Variants in MEIS3 observed in about 807,000 individuals in gnomAD.
The protein encoded by MEIS3 is homeobox protein Meis3.
A neutral mutation model predicts 51.4 loss-of-function variants in MEIS3; 38 were observed. That is an observed-to-expected ratio of 0.74 (90% CI 0.57 to 0.97). The LOEUF (loss-of-function observed/expected upper bound fraction) is 0.97. MEIS3 is among the 50% of genes least tolerant of loss of function. The pLI is 0.00. For synonymous variants in MEIS3, 198 were observed against 201.8 expected (o/e 0.98, Z 0.16); for missense variants, 456 against 502.6 (o/e 0.91, Z 0.89).
intron 4 of MEIS3, among the ~76,000 whole-genome samples, chr19:47,415,568 TC>T (rs770315345): frequency 0.015 from 1,998 of 134,846 alleles, 31 homozygotes; most frequent in African/African-American, 0.042. Flanking sequence ...CTTCTCTCTC[TC>T]TCTCTTTTTT....
chr19:47,407,035 C>T (rs1298057377), intron 10 of MEIS3, 44 bp downstream of exon 10: 2 of 1,591,560 alleles, frequency 1.3e-6, no homozygotes, highest in Non-Finnish European at 8.6e-7. Context: ...CTTTGACGCC[C>T]TCCTAAGAAC....
intron 8 of MEIS3, chr19:47,407,724 T>C: frequency 1.9e-6 from 1 of 515,610 alleles, no homozygotes. Flanking sequence ...GGGAGGGGCT[T>C]CACTGGCGTC....
Position 47,416,821 on chromosome 19 carries a change from C to T in MEIS3, c.328G>A (p.Ala110Thr), listed in dbSNP as rs371689659. The change falls in exon 3 of 13, where the codon GCT (alanine) becomes ACT (threonine). Residue 110 changes from alanine (A) to threonine (T), a missense_variant. Physicochemically the swap from Ala to Thr is moderately conservative, Grantham distance 58. Transcript: ENST00000558555. ...GTGCCCACCTGCTTGGCAAAGGCAG[C>T]GATGTCCTCGTTGAAGGAATCAGAG... Reference protein sequence around the residue: ...CSSDSFNEDIAAFAKQVRSER... With the variant: ...CSSDSFNEDITAFAKQVRSER... 31 of 1,613,544 alleles carry T rather than the reference C, an allele frequency of 1.9e-5. No individual in the cohort carries two copies. The highest frequency in any genetic ancestry group is 2.5e-5 in the Non-Finnish European group (30 of 1,179,838).
rs768546426 is a variant in MEIS3 at position 47,409,090 on chromosome 19, G to A, written c.858+9C>T. The A allele has an allele frequency of 2.5e-6, 4 of 1,608,120 alleles. No individual in the cohort carries two copies. Among genetic ancestry groups the A allele is most frequent in the Non-Finnish European group, 3.4e-6 (4 of 1,179,818 alleles). ...TTCCCACCCTGCACCTGGGCAGCAG[G>A]GCTCTCACCGAGAGGTGCTGGAACA... On this transcript the variant is annotated intron_variant, in intron 8 of 12. Transcript: ENST00000558555.
In MEIS3 at chr19:47,403,157, G is replaced by T; in HGVS notation, c.*414C>A. The T allele has an allele frequency of 4.4e-6, 1 of 226,910 alleles. No homozygotes were observed. Among genetic ancestry groups the T allele is most frequent in the South Asian group, 4.5e-5 (1 of 22,164 alleles). The allele number at this position is 226,910 out of a possible 1,614,324, so 14.1% of individuals were successfully genotyped here. A position where few individuals can be genotyped will look rare whatever the true frequency, so the allele number is the denominator to read the frequency against. ...TTTAAGACTTTATCATTAAAAAAAA[G>T]AAGAAATTAGAGAAGGGAGGTAGGG... On this transcript the variant is annotated 3_prime_UTR_variant, in exon 13 of 13. Coordinates refer to ENST00000558555, the MANE Select transcript of MEIS3 (RefSeq NM_001301059.2).
chr19:47,417,856 G>A, intron 1 of MEIS3: 1 of 608,666 alleles, frequency 1.6e-6, no homozygotes, highest in South Asian at 1.9e-5. Context: ...TACCACACAT[G>A]TAGACACAGC....
At position 47,417,253 on chromosome 19, in the gene MEIS3, G is replaced by A. The variant is rs1478277856; in HGVS notation, c.110C>T (p.Pro37Leu). Residue 37 changes from proline to leucine, a missense_variant, in exon 2 of 13, where the codon CCG (proline) becomes CTG (leucine). Transcript: ENST00000558555. ...TVPAVPGPYG[P>L]HRPPQPLPPG... is the part of the protein sequence containing the mutation. ...GGGCAGGGGCTGGGGAGGCCGGTGC[G>A]GGCCATAGGGCCCTGGTACTGCGGG... The A allele has an allele frequency of 4.4e-6, 7 of 1,608,354 alleles. No homozygotes were observed. Among genetic ancestry groups the A allele is most frequent in the Non-Finnish European group, 5.1e-6 (6 of 1,177,494 alleles).
rs778021875 is a variant in MEIS3, at chr19:47,414,732, G to A, written c.582C>T (p.Pro194=). ...CCGGGCCCACCTGGTCTGGGAGGCT[G>A]GGGCAGGAGGCTGGGTAGTCCTCGA... ...EDFEDYPASC[P]SLPDQNNMWI... is the part of the protein sequence containing the mutation. The change falls in exon 6 of 13, where the codon CCC becomes CCT. Residue 194 remains proline, a synonymous_variant. Coordinates refer to ENST00000558555, the MANE Select transcript of MEIS3 (RefSeq NM_001301059.2). The A allele has an allele frequency of 3.1e-6, 5 of 1,605,954 alleles. No individual in the cohort carries two copies. The highest frequency in any genetic ancestry group is 4.2e-6 in the Non-Finnish European group (5 of 1,176,918).
At chr19:47,417,584 GGAGGACCCA>G (rs1971511333) in intron 1 of MEIS3, 1 of 705,112 alleles carries the variant, frequency 1.4e-6, no homozygotes, top group Admixed American at 2.0e-5. Flanking sequence ...CATGTGGGCA[GGAGGACCCA>G]GAGGGAGAGA....
In MEIS3 at chr19:47,415,078, C is replaced by A. The variant is rs140625776; in HGVS notation, c.420G>T (p.Leu140=). Residue 140 remains leucine, a synonymous_variant, in exon 5 of 13, where the codon CTG becomes CTT. Transcript: ENST00000558555. The part of the protein sequence containing the change: ...DNLMIQAIQV[L]RFHLLELEKV... The stretch of plus-strand genomic sequence containing the variant: ...TCTCCAGCTCCAGCAGGTGGAACCG[C>A]AGCACCTGGATGGCCTGGATCATCT... 125 of 1,547,346 alleles carry A rather than the reference C, an allele frequency of 8.1e-5. No individual in the cohort carries two copies. The highest frequency in any genetic ancestry group is 1.0e-4 in the Non-Finnish European group (121 of 1,154,128).
At chr19:47,413,173 G>A (rs1396463935) in intron 6 of MEIS3, among the ~76,000 whole-genome samples, 1 of 151,478 alleles carries the variant, frequency 6.6e-6, no homozygotes, top group African/African-American at 2.4e-5. Context: ...GAGGCGGGAG[G>A]ATCACTTGAA....
At chr19:47,417,803 G>GT in intron 1 of MEIS3, 1 of 627,586 alleles carries the variant, frequency 1.6e-6, no homozygotes, top group East Asian at 2.7e-5. Flanking sequence ...GCGCATCAGA[G>GT]TAAGTCTCAA....
chr19:47,409,835 C>A (rs1247019918), intron 6 of MEIS3, among the ~76,000 whole-genome samples: 1 of 149,656 alleles, frequency 6.7e-6, no homozygotes, highest in Non-Finnish European at 1.5e-5. Flanking sequence ...TGCACTCCAG[C>A]CTGGGTGACA....
At chr19:47,416,736 TC>T in intron 3 of MEIS3, 34 bp from the exon 4 acceptor site, 1 of 1,609,862 alleles carries the variant, frequency 6.2e-7, no homozygotes, top group Non-Finnish European at 8.5e-7. Context: ...CAGGGGGATG[TC>T]CCGCCTTCCA....
At chr19:47,410,261 G>A (rs1289993570) in intron 6 of MEIS3, among the ~76,000 whole-genome samples, 2 of 152,062 alleles carry the variant, frequency 1.3e-5, no homozygotes, top group Admixed American at 6.5e-5. Flanking sequence ...CAGCCTGGCC[G>A]ACATGGTGAA....
chr19:47,408,549 TCTCTGTCC>T (rs918740344), intron 8 of MEIS3, among the ~76,000 whole-genome samples: 6 of 152,208 alleles, frequency 3.9e-5, no homozygotes, highest in African/African-American at 1.4e-4. Flanking sequence ...TTTCTGTCTG[TCTCTGTCC>T]CTCTGTGACT....
At chr19:47,403,864 G>A (rs956922930) in intron 12 of MEIS3, among the ~76,000 whole-genome samples, 1 of 152,074 alleles carries the variant, frequency 6.6e-6, no homozygotes, top group Non-Finnish European at 1.5e-5. Flanking sequence ...CATGGGAAGA[G>A]AGAGAAGAAG....
At chr19:47,405,708 C>G (rs1970783186) in intron 12 of MEIS3, among the ~76,000 whole-genome samples, 1 of 151,992 alleles carries the variant, frequency 6.6e-6, no homozygotes, top group Non-Finnish European at 1.5e-5. Flanking sequence ...TGCCACCACA[C>G]CTGGCTAATT....
At chr19:47,406,576 C>G in intron 11 of MEIS3, 50 bp from the exon 12 acceptor site, 3 of 1,562,630 alleles carry the variant, frequency 1.9e-6, no homozygotes, top group Non-Finnish European at 2.6e-6. Flanking sequence ...GAGACACCCC[C>G]AGATGCCTCT....
Sources: gnomAD v4.1 joint callset for allele counts (sites outside exome capture counted in the v4.1 genomes callset) on GRCh38, gnomAD v4.1.1 for gene constraint, MANE v1.5 for transcripts, NCBI Gene and HGNC (gene_info 2026-07-23, HGNC 2026-07-21) for gene names.